RBMS3: variants seen among roughly 807,000 people sequenced by gnomAD.
RBMS3 encodes the protein RNA-binding motif, single-stranded-interacting protein 3.
Under a neutral mutation model 66.8 loss-of-function variants are expected in RBMS3, and 27 were observed. The ratio of observed to expected loss-of-function variants is 0.40; its 90% CI spans 0.30 to 0.56. The LOEUF (loss-of-function observed/expected upper bound fraction) is 0.56, where lower values mean the gene tolerates loss of function less well. Among genes scored for constraint, RBMS3 ranks in the 20% least tolerant of loss-of-function variants. The probability of loss-of-function intolerance (pLI) is 0.40; values close to 1 mark genes in which losing one functional copy is unlikely to be tolerated. For missense variants in RBMS3, 513 were observed against 549.5 expected (o/e 0.93, Z 0.66); for synonymous variants, 188 against 183.0 (o/e 1.03, Z -0.22).
intron 1 of RBMS3, among the ~76,000 whole-genome samples, chr3:29,310,518 T>C (rs1413225520): frequency 6.6e-6 from 1 of 151,424 alleles, no homozygotes; most frequent in African/African-American, 2.4e-5. Context: ...TTTTTTTTTT[T>C]GAAGTTTTGA....
chr3:29,940,624 G>A (rs763579263), intron 11 of RBMS3, among the ~76,000 whole-genome samples: 1 of 151,800 alleles, frequency 6.6e-6, no homozygotes, highest in Non-Finnish European at 1.5e-5. Context: ...CATGAAAGAA[G>A]ATATATTCAT....
At chr3:29,433,473 A>G (rs924865577) in intron 1 of RBMS3, among the ~76,000 whole-genome samples, 5 of 152,194 alleles carry the variant, frequency 3.3e-5, no homozygotes, top group African/African-American at 1.2e-4. Flanking sequence ...GAATATTCAT[A>G]TTATTGTTAT....
chr3:29,971,935 G>A (rs1018187302), intron 12 of RBMS3, among the ~76,000 whole-genome samples: 3 of 151,740 alleles, frequency 2.0e-5, no homozygotes, highest in African/African-American at 7.3e-5. Flanking sequence ...GAAGGAGGAG[G>A]TTAGCAAGAA....
chr3:29,957,259 A>G (rs60500479), intron 12 of RBMS3, among the ~76,000 whole-genome samples: 24,883 of 152,054 alleles, frequency 0.16, 2,130 homozygotes, highest in East Asian at 0.24. Context: ...CTTAGAGCAG[A>G]GACTATTCAT....
intron 1 of RBMS3, among the ~76,000 whole-genome samples, chr3:29,373,862 T>C (rs1341092534): frequency 6.6e-6 from 1 of 152,186 alleles, no homozygotes; most frequent in Non-Finnish European, 1.5e-5. Flanking sequence ...AAGATGACTG[T>C]GGAATGTTTA....
chr3:29,640,255 T>TAC (rs34719305), intron 4 of RBMS3, among the ~76,000 whole-genome samples: 31,423 of 139,948 alleles, frequency 0.22, 3,299 homozygotes, highest in Middle Eastern at 0.29. Flanking sequence ...ACATTTTGGT[T>TAC]ACACACACAC....
At chr3:29,384,426 T>TAAGAAGAAGAAGAAGAAGAAGAAGAAG (rs1260902457) in intron 1 of RBMS3, among the ~76,000 whole-genome samples, 58 of 93,426 alleles carry the variant, frequency 6.2e-4, no homozygotes, top group African/African-American at 2.1e-3. Flanking sequence ...CCAATAATAA[T>TAAGAAGAAGAAGAAGAAGAAGAAGAAG]AATAATAATA....
At chr3:29,502,847 C>T (rs899543699) in intron 3 of RBMS3, among the ~76,000 whole-genome samples, 1 of 152,096 alleles carries the variant, frequency 6.6e-6, no homozygotes, top group African/African-American at 2.4e-5. Context: ...CTGATACTTT[C>T]TCTTACTCTC....
At chr3:29,288,641 T>C (rs183976793) in intron 1 of RBMS3, among the ~76,000 whole-genome samples, 23 of 152,176 alleles carry the variant, frequency 1.5e-4, no homozygotes, top group Admixed American at 6.6e-4. Flanking sequence ...CCAGTTGAGT[T>C]AATGAAGGAG....
chr3:29,711,503 G>A (rs1038167542), intron 4 of RBMS3, among the ~76,000 whole-genome samples: 1 of 152,146 alleles, frequency 6.6e-6, no homozygotes, highest in Non-Finnish European at 1.5e-5. Context: ...CAGCCTAAGA[G>A]ATTGCCTGAT....
intron 6 of RBMS3, among the ~76,000 whole-genome samples, chr3:29,822,618 T>C (rs2058102008): frequency 6.6e-6 from 1 of 152,120 alleles, no homozygotes; most frequent in African/African-American, 2.4e-5. Context: ...CCAATGACAA[T>C]TTATGCCATA....
chr3:29,770,442 G>A (rs1418022210), intron 6 of RBMS3, among the ~76,000 whole-genome samples: 1 of 151,840 alleles, frequency 6.6e-6, no homozygotes, highest in Non-Finnish European at 1.5e-5. Context: ...TACATATGAA[G>A]CACCAATAAG....
chr3:29,609,121 A>G (rs2048406964), intron 4 of RBMS3, among the ~76,000 whole-genome samples: 1 of 152,072 alleles, frequency 6.6e-6, no homozygotes, highest in Non-Finnish European at 1.5e-5. Flanking sequence ...AAAATAAAGG[A>G]AAACAAAGAT....
chr3:29,517,758 C>T (rs1475798651), intron 3 of RBMS3, among the ~76,000 whole-genome samples: 1 of 151,986 alleles, frequency 6.6e-6, no homozygotes, highest in African/African-American at 2.4e-5. Flanking sequence ...AAGATGTTTT[C>T]AATAAGTTAA....
chr3:29,484,250 T>A (rs2043241665), intron 2 of RBMS3, among the ~76,000 whole-genome samples: 1 of 152,246 alleles, frequency 6.6e-6, no homozygotes, highest in Admixed American at 6.5e-5. Flanking sequence ...TGTTAGTTTG[T>A]TAGAACTGCC....
chr3:29,376,010 A>T (rs1157141903), intron 1 of RBMS3, among the ~76,000 whole-genome samples: 1 of 152,092 alleles, frequency 6.6e-6, no homozygotes, highest in Non-Finnish European at 1.5e-5. Context: ...ATGGAATACT[A>T]TGAAAAGGAA....
intron 4 of RBMS3, among the ~76,000 whole-genome samples, chr3:29,602,054 G>A (rs183138679): frequency 7.2e-5 from 11 of 152,158 alleles, no homozygotes; most frequent in Non-Finnish European, 1.3e-4. Context: ...CCTTAATGCT[G>A]TGTGGGAGTT....
intron 4 of RBMS3, among the ~76,000 whole-genome samples, chr3:29,649,066 A>C (rs1487546530): frequency 1.3e-5 from 2 of 152,226 alleles, no homozygotes; most frequent in Non-Finnish European, 2.9e-5. Context: ...GATTTTAATA[A>C]GTATAACTTC....
chr3:29,768,120 A>C (rs1217886086), intron 6 of RBMS3, among the ~76,000 whole-genome samples: 1 of 151,926 alleles, frequency 6.6e-6, no homozygotes, highest in Non-Finnish European at 1.5e-5. Flanking sequence ...TCACTGGAAA[A>C]ATTTTTGTAT....
Sources: allele counts gnomAD v4.1 joint callset (sites outside exome capture counted in the v4.1 genomes callset), GRCh38; gene constraint gnomAD v4.1.1; transcripts MANE v1.5; gene names NCBI Gene and HGNC (gene_info 2026-07-23, HGNC 2026-07-21).